The following TG variants were observed in gnomAD, a reference collection of about 807,000 sequenced individuals.
The protein encoded by TG is thyroglobulin.
A neutral mutation model predicts 324.7 loss-of-function variants in TG; 270 were observed. That is an observed-to-expected ratio of 0.83 (90% CI 0.75 to 0.92). The LOEUF (loss-of-function observed/expected upper bound fraction) is 0.92, where lower values mean the gene tolerates loss of function less well. Ranked by LOEUF, TG falls within the 40% of genes least tolerant of loss-of-function variation. The probability of loss-of-function intolerance (pLI) is 0.00; values close to 1 mark genes in which losing one functional copy is unlikely to be tolerated. For missense variants in TG, 3,591 were observed against 3,456.4 expected (o/e 1.04, Z -0.98); for synonymous variants, 1,401 against 1,327.0 (o/e 1.06, Z -1.21).
chr8:133,133,061 G>T (rs1852066210), intron 46 of TG, among the ~76,000 whole-genome samples: 1 of 152,172 alleles, frequency 6.6e-6, no homozygotes, highest in Admixed American at 6.5e-5. Context: ...CCCTTTATGG[G>T]GCAGCTGGCC....
chr8:132,948,478 A>G (rs1335344177), intron 26 of TG, among the ~76,000 whole-genome samples: 3 of 152,262 alleles, frequency 2.0e-5, no homozygotes, highest in East Asian at 1.9e-4. Context: ...TGATGCCCCC[A>G]GGAAGTTGGA....
chr8:133,046,907 G>A (rs569542109), intron 41 of TG, among the ~76,000 whole-genome samples: 2 of 152,324 alleles, frequency 1.3e-5, no homozygotes, highest in African/African-American at 4.8e-5. Context: ...CTTATTAGGT[G>A]CATGGGAAGT....
intron 10 of TG, among the ~76,000 whole-genome samples, chr8:132,891,417 C>G (rs771033945): frequency 6.6e-6 from 1 of 152,172 alleles, no homozygotes; most frequent in South Asian, 2.1e-4. Context: ...TCACTGCAGC[C>G]TCAACCTCGC....
intron 20 of TG, among the ~76,000 whole-genome samples, chr8:132,914,559 C>T (rs1224928319): frequency 6.6e-6 from 1 of 152,224 alleles, no homozygotes; most frequent in Non-Finnish European, 1.5e-5. Context: ...AAACATTTAA[C>T]TCTCACAATA....
At chr8:132,893,983 C>G in intron 11 of TG, 54 bp downstream of exon 11, 1 of 1,613,572 alleles carries the variant, frequency 6.2e-7, no homozygotes, top group Non-Finnish European at 8.5e-7. Flanking sequence ...AAAGCAGGAG[C>G]TTAAATTCGT....
intron 41 of TG, chr8:133,094,756 T>A (rs1848155575): frequency 2.1e-6 from 1 of 487,060 alleles, no homozygotes. Flanking sequence ...CCTTTGCCTC[T>A]ATATACAAAT....
chr8:132,966,717 A>G lies in TG; in HGVS notation c.5686+20A>G. ...TTTCTCGTAAGTATCCTTAGAACTC[A>G]TTCTTCTTCTTCCAGACACTGTAGT... On this transcript the variant is annotated intron_variant, in intron 30 of 47. Coordinates refer to ENST00000220616, the MANE Select transcript of TG (RefSeq NM_003235.5). 6.2e-7 allele frequency: 1 copy of G among 1,613,672 alleles called. No individual in the cohort carries two copies. The highest frequency in any genetic ancestry group is 2.2e-5 in the East Asian group (1 of 44,876).
chr8:133,122,055 T>C lies in TG; in HGVS notation c.7862+5339T>C, dbSNP rs185115829. 6.4e-4 allele frequency among the ~76,000 whole-genome samples: 98 copies of C among 152,336 alleles called. 1 individual carries two copies. Among genetic ancestry groups the C allele is most frequent in the Non-Finnish European group, 4.4e-4 (30 of 68,036 alleles). Reference sequence around the variant, plus strand: ...CTTAAAATATATGTGTGTTACATTTTCAGCCATCTGTCTCGTACCTCCATT... The same window carrying C: ...CTTAAAATATATGTGTGTTACATTTCCAGCCATCTGTCTCGTACCTCCATT... On this transcript the variant is annotated intron_variant, in intron 45 of 47. Coordinates refer to ENST00000220616, the MANE Select transcript of TG (RefSeq NM_003235.5).
chr8:133,126,321 C>T (rs939807043), intron 45 of TG, among the ~76,000 whole-genome samples: 1 of 152,130 alleles, frequency 6.6e-6, no homozygotes, highest in Admixed American at 6.5e-5. Context: ...TGTAAAATCA[C>T]AATGACAAAT....
intron 21 of TG, among the ~76,000 whole-genome samples, chr8:132,921,526 G>A (rs1563957697): frequency 6.6e-6 from 1 of 152,194 alleles, no homozygotes; most frequent in African/African-American, 2.4e-5. Flanking sequence ...AGATGGAATT[G>A]TACTGAAGAG....
At chr8:132,929,784 T>A (rs183185363) in intron 23 of TG, among the ~76,000 whole-genome samples, 1 of 152,288 alleles carries the variant, frequency 6.6e-6, no homozygotes, top group Non-Finnish European at 1.5e-5. Flanking sequence ...CACTATACAA[T>A]TCATCCATGT....
At chr8:133,111,206 T>C (rs1391627492) in intron 43 of TG, among the ~76,000 whole-genome samples, 1 of 152,094 alleles carries the variant, frequency 6.6e-6, no homozygotes, top group Non-Finnish European at 1.5e-5. Context: ...CTGCTTAAGT[T>C]ATAACTGGGG....
At chr8:133,062,316 T>A (rs1842479182) in intron 41 of TG, among the ~76,000 whole-genome samples, 2 of 152,310 alleles carry the variant, frequency 1.3e-5, no homozygotes, top group South Asian at 4.1e-4. Flanking sequence ...ACACCTGCAG[T>A]CCAGGAGGGC....
chr8:133,006,954 C>T (rs1327051821), intron 35 of TG, among the ~76,000 whole-genome samples: 1 of 152,106 alleles, frequency 6.6e-6, no homozygotes, highest in Non-Finnish European at 1.5e-5. Flanking sequence ...GAAAACCTGG[C>T]ACGTTTTAAG....
At chr8:133,032,127 G>A (rs1836698878) in intron 41 of TG, among the ~76,000 whole-genome samples, 1 of 152,182 alleles carries the variant, frequency 6.6e-6, no homozygotes. Flanking sequence ...TTTTGGGGCA[G>A]CAATGAGCAG....
chr8:133,036,322 C>T lies in TG; in HGVS notation c.7239+6299C>T, dbSNP rs1203487897. Among the ~76,000 whole-genome samples the T allele has an allele frequency of 3.9e-5, 6 of 152,206 alleles. 1 individual carries two copies. Among genetic ancestry groups the T allele is most frequent in the African/African-American group, 1.4e-4 (6 of 41,456 alleles). ...TCAAGCTCCATGATATCAGAGACCT[C>T]ATCTGGTTTTCATTGCTATAGCCCC... On this transcript the variant is annotated intron_variant, in intron 41 of 47. Transcript: ENST00000220616.
chr8:132,969,066 C>T (rs1464298734), intron 31 of TG, among the ~76,000 whole-genome samples: 1 of 151,302 alleles, frequency 6.6e-6, no homozygotes. Context: ...AAAGAAATTC[C>T]AGCCAGTACT....
At chr8:133,093,166 C>A (rs1315193904) in intron 41 of TG, among the ~76,000 whole-genome samples, 1 of 141,778 alleles carries the variant, frequency 7.1e-6, no homozygotes. Context: ...TAAAGTACAT[C>A]CAATGGTTCT....
chr8:132,993,893 A>T (rs548173543), intron 35 of TG, among the ~76,000 whole-genome samples: 1 of 152,362 alleles, frequency 6.6e-6, no homozygotes, highest in East Asian at 1.9e-4. Context: ...TTAGCTTTAA[A>T]TATTTTCTTC....
Sources: gnomAD v4.1 joint callset for allele counts (sites outside exome capture counted in the v4.1 genomes callset) on GRCh38, gnomAD v4.1.1 for gene constraint, MANE v1.5 for transcripts, NCBI Gene and HGNC (gene_info 2026-07-23, HGNC 2026-07-21) for gene names.